The following C8orf34 variants were observed in gnomAD, a reference collection of about 807,000 sequenced individuals.
C8orf34 encodes the protein uncharacterized protein C8orf34.
In C8orf34, 65 loss-of-function variants were observed where a neutral mutation model predicts 68.3. That is an observed-to-expected ratio of 0.95 (90% CI 0.78 to 1.17). The LOEUF is 1.17. C8orf34 is among the 50% of genes most tolerant of loss of function. The pLI is 0.00. For synonymous variants in C8orf34, 244 were observed against 241.2 expected (o/e 1.01, Z -0.11); for missense variants, 664 against 655.4 (o/e 1.01, Z -0.14).
intron 8 of C8orf34, among the ~76,000 whole-genome samples, chr8:68,671,393 C>T (rs1020734590): frequency 5.3e-5 from 8 of 152,090 alleles, no homozygotes; most frequent in African/African-American, 1.4e-4. Flanking sequence ...CACTTAGTTG[C>T]AAGTTACTGA....
At chr8:68,728,955 C>T (rs929431801) in intron 10 of C8orf34, among the ~76,000 whole-genome samples, 3 of 152,158 alleles carry the variant, frequency 2.0e-5, no homozygotes, top group Admixed American at 6.5e-5. Flanking sequence ...ATTGAAATTT[C>T]TCACATATGC....
At chr8:68,699,926 A>G (rs1820938793) in intron 8 of C8orf34, among the ~76,000 whole-genome samples, 1 of 152,130 alleles carries the variant, frequency 6.6e-6, no homozygotes, top group South Asian at 2.1e-4. Flanking sequence ...AACAGGAAAG[A>G]GGATGGTTTC....
At chr8:68,532,025 C>T (rs903759653) in intron 6 of C8orf34, among the ~76,000 whole-genome samples, 1 of 152,104 alleles carries the variant, frequency 6.6e-6, no homozygotes, top group Non-Finnish European at 1.5e-5. Context: ...ACGATTCTCA[C>T]TGGCAATACA....
At chr8:68,724,392 T>A (rs1427496057) in intron 10 of C8orf34, among the ~76,000 whole-genome samples, 1 of 152,188 alleles carries the variant, frequency 6.6e-6, no homozygotes, top group African/African-American at 2.4e-5. Flanking sequence ...TTTAAGGTAG[T>A]TTCAACACAG....
chr8:68,412,481 C>T (rs1199207458), intron 1 of C8orf34, among the ~76,000 whole-genome samples: 1 of 152,030 alleles, frequency 6.6e-6, no homozygotes, highest in Non-Finnish European at 1.5e-5. Context: ...ACATTTCCCA[C>T]CACTCCTCAT....
intron 5 of C8orf34, among the ~76,000 whole-genome samples, chr8:68,498,836 A>G (rs933178634): frequency 2.0e-5 from 3 of 152,224 alleles, no homozygotes; most frequent in Non-Finnish European, 4.4e-5. Flanking sequence ...TGTTTTCTAA[A>G]TAGCATTTGC....
intron 1 of C8orf34, among the ~76,000 whole-genome samples, chr8:68,341,850 T>G (rs1806083906): frequency 2.0e-5 from 3 of 152,190 alleles, no homozygotes; most frequent in Non-Finnish European, 4.4e-5. Context: ...TCTTTATAAA[T>G]TATCCAGTTT....
intron 1 of C8orf34, among the ~76,000 whole-genome samples, chr8:68,368,407 A>G (rs1807409349): frequency 6.6e-6 from 1 of 151,978 alleles, no homozygotes; most frequent in Non-Finnish European, 1.5e-5. Context: ...TATTATGGCT[A>G]TTATTCATGA....
chr8:68,428,033 T>A (rs1810302855), intron 1 of C8orf34, among the ~76,000 whole-genome samples: 1 of 150,502 alleles, frequency 6.6e-6, no homozygotes, highest in Non-Finnish European at 1.5e-5. Flanking sequence ...TAATATTCCC[T>A]AGAAAAAGTC....
intron 1 of C8orf34, among the ~76,000 whole-genome samples, chr8:68,394,390 C>T (rs1808604704): frequency 6.6e-6 from 1 of 151,822 alleles, no homozygotes; most frequent in South Asian, 2.1e-4. Flanking sequence ...TTTCCAATTT[C>T]ATCCATGTCC....
At chr8:68,483,918 G>A (rs959818558) in intron 4 of C8orf34, among the ~76,000 whole-genome samples, 9 of 152,198 alleles carry the variant, frequency 5.9e-5, no homozygotes, top group Non-Finnish European at 1.5e-5. Flanking sequence ...CACTCCTACA[G>A]CTAGACATTA....
At chr8:68,393,424 A>G (rs1808556341) in intron 1 of C8orf34, among the ~76,000 whole-genome samples, 1 of 152,150 alleles carries the variant, frequency 6.6e-6, no homozygotes, top group Non-Finnish European at 1.5e-5. Context: ...TGAACAGATC[A>G]GTGAATAATG....
At chr8:68,766,867 G>A (rs1331656235) in intron 10 of C8orf34, among the ~76,000 whole-genome samples, 1 of 152,158 alleles carries the variant, frequency 6.6e-6, no homozygotes, top group African/African-American at 2.4e-5. Context: ...TTAATATAAT[G>A]AGAACACCAC....
intron 5 of C8orf34, among the ~76,000 whole-genome samples, chr8:68,519,984 G>A (rs529397024): frequency 2.0e-5 from 3 of 152,224 alleles, no homozygotes; most frequent in South Asian, 2.1e-4. Flanking sequence ...GAACAGTATC[G>A]TTAACTTTAG....
At chr8:68,707,787 T>G (rs1212179056) in intron 8 of C8orf34, among the ~76,000 whole-genome samples, 1 of 152,090 alleles carries the variant, frequency 6.6e-6, no homozygotes, top group African/African-American at 2.4e-5. Context: ...TGGAGCTCAT[T>G]GTGAATTTTC....
chr8:68,572,916 G>A (rs552061763), intron 7 of C8orf34, among the ~76,000 whole-genome samples: 1 of 152,128 alleles, frequency 6.6e-6, no homozygotes, highest in African/African-American at 2.4e-5. Context: ...TTATTTCAGT[G>A]TCCTGAGGCA....
At chr8:68,419,773 A>G (rs1809862357) in intron 1 of C8orf34, among the ~76,000 whole-genome samples, 1 of 145,400 alleles carries the variant, frequency 6.9e-6, no homozygotes, top group South Asian at 2.2e-4. Context: ...GTGGGAATTG[A>G]ACAGTGAGAA....
chr8:68,337,675 A>C (rs1018972755), intron 1 of C8orf34, among the ~76,000 whole-genome samples: 28 of 152,210 alleles, frequency 1.8e-4, no homozygotes, highest in African/African-American at 6.5e-4. Flanking sequence ...GCACCTAGGG[A>C]ATCAGTATTT....
In C8orf34 at chr8:68,399,336, C is replaced by T. The variant is rs142353459; in HGVS notation, c.328-40163C>T. 2.2e-3 allele frequency among the ~76,000 whole-genome samples: 333 copies of T among 152,108 alleles called. 1 individual carries two copies. Among genetic ancestry groups the T allele is most frequent in the Admixed American group, 3.2e-3 (49 of 15,264 alleles). On this transcript the variant is annotated intron_variant, in intron 1 of 13. Coordinates refer to ENST00000518698, the MANE Select transcript of C8orf34 (RefSeq NM_052958.4). ...CTACCCTCCCACCTTTCCATGCCTC[C>T]GTTGTCTATCATTCCACACTTTATG...
Sources: allele counts gnomAD v4.1 joint callset (sites outside exome capture counted in the v4.1 genomes callset), GRCh38; gene constraint gnomAD v4.1.1; transcripts MANE v1.5; gene names NCBI Gene and HGNC (gene_info 2026-07-23, HGNC 2026-07-21).